The following PTCHD4 variants were observed in gnomAD, a reference collection of about 807,000 sequenced individuals.
PTCHD4 encodes patched domain containing 4.
In PTCHD4, 33 loss-of-function variants were observed where a neutral mutation model predicts 58.1. The ratio of observed to expected loss-of-function variants is 0.57; its 90% CI spans 0.43 to 0.76. PTCHD4 has a LOEUF of 0.76. PTCHD4 is among the 30% of genes least tolerant of loss of function. The pLI, the probability that PTCHD4 is intolerant of heterozygous loss-of-function variation, is 0.00. For synonymous variants in PTCHD4, 478 were observed against 409.6 expected, an observed-to-expected ratio of 1.17 and a Z score of -2.02; for missense variants, 1,058 against 1,027.1, an observed-to-expected ratio of 1.03 and a Z score of -0.41.
At chr6:48,100,458 G>T (rs568904697) in intron 1 of PTCHD4, among the ~76,000 whole-genome samples, 9 of 152,244 alleles carry the variant, frequency 5.9e-5, no homozygotes, top group Non-Finnish European at 1.3e-4. Context: ...CCAAGCAACA[G>T]TAACTGTTCT....
intron 4 of PTCHD4, among the ~76,000 whole-genome samples, chr6:47,935,542 A>ACCC (rs1298839467): frequency 6.6e-6 from 1 of 152,130 alleles, no homozygotes; most frequent in African/African-American, 2.4e-5. Context: ...GAGGCCTCAA[A>ACCC]CCCCAAGAAA....
At chr6:48,047,147 G>C (rs573444479) in intron 3 of PTCHD4, among the ~76,000 whole-genome samples, 2 of 151,668 alleles carry the variant, frequency 1.3e-5, no homozygotes, top group South Asian at 4.2e-4. Context: ...GATGTTATTT[G>C]GTAGAACTCT....
intron 3 of PTCHD4, among the ~76,000 whole-genome samples, chr6:48,040,206 A>G (rs991609565): frequency 6.6e-6 from 1 of 152,144 alleles, no homozygotes; most frequent in Non-Finnish European, 1.5e-5. Flanking sequence ...AGGTTGGTCT[A>G]TCAATCCAAG....
chr6:47,870,509 CA>C lies in PTCHD4; in HGVS notation c.*7793del, dbSNP rs1210361740. ...TTATAGTTAAGAAAAACCTGTTTTG[CA>C]AAATGTTTTTTCACTGATCAACATA... On this transcript the variant is annotated 3_prime_UTR_variant, in exon 5 of 5. Transcript: ENST00000339488. 6.6e-6 allele frequency among the ~76,000 whole-genome samples: 1 copy of C among 151,504 alleles called. No homozygotes were observed. Among genetic ancestry groups the C allele is most frequent in the Non-Finnish European group, 1.5e-5 (1 of 67,698 alleles).
In PTCHD4 at chr6:48,038,428, G is replaced by T. The variant is rs1317445364; in HGVS notation, c.418-29314C>A. ...AGGCCGAGGCGGGCAGATCACTTGA[G>T]GTCAGAAGTTTGAAACCAGACTGGC... is the stretch of plus-strand genomic sequence containing the variant. On this transcript the variant is annotated intron_variant, in intron 3 of 4. Coordinates refer to ENST00000339488, the MANE Select transcript of PTCHD4 (RefSeq NM_001384253.1). Among the ~76,000 whole-genome samples the T allele has an allele frequency of 2.0e-5, 3 of 151,850 alleles. No individual in the cohort carries two copies. In the East Asian group the frequency reaches 5.8e-4, roughly 29 times the overall value.
intron 1 of PTCHD4, among the ~76,000 whole-genome samples, chr6:48,109,239 TAA>T (rs1467983259): frequency 6.6e-6 from 1 of 152,110 alleles, no homozygotes; most frequent in Non-Finnish European, 1.5e-5. Context: ...AGAATAAAGA[TAA>T]AAGTTTCCTT....
At chr6:48,103,715 T>C (rs942729304) in intron 1 of PTCHD4, among the ~76,000 whole-genome samples, 2 of 151,872 alleles carry the variant, frequency 1.3e-5, no homozygotes, top group Admixed American at 6.6e-5. Context: ...AAAAATTAGA[T>C]GAATGGCTAA....
intron 1 of PTCHD4, among the ~76,000 whole-genome samples, chr6:48,076,780 C>T (rs948584509): frequency 1.6e-4 from 24 of 152,082 alleles, no homozygotes; most frequent in South Asian, 2.1e-4. Flanking sequence ...GCCTTGTGCT[C>T]GGAATGAATT....
chr6:47,957,883 C>T (rs145860588), intron 4 of PTCHD4, among the ~76,000 whole-genome samples: 1,618 of 152,126 alleles, frequency 0.011, 9 homozygotes, highest in Non-Finnish European at 0.016. Flanking sequence ...GGATTACAGG[C>T]GTGAGCCACC....
intron 1 of PTCHD4, among the ~76,000 whole-genome samples, chr6:48,099,538 G>A (rs1247523857): frequency 6.6e-6 from 1 of 152,148 alleles, no homozygotes; most frequent in East Asian, 1.9e-4. Context: ...TAAATCCTAG[G>A]AATATTCTCT....
intron 3 of PTCHD4, among the ~76,000 whole-genome samples, chr6:48,030,592 G>A (rs1370573995): frequency 6.6e-6 from 1 of 152,108 alleles, no homozygotes; most frequent in Non-Finnish European, 1.5e-5. Context: ...TTTCATGTCT[G>A]CTGCTGTGTA....
At chr6:48,086,424 G>C (rs1449602633) in intron 1 of PTCHD4, among the ~76,000 whole-genome samples, 2 of 151,138 alleles carry the variant, frequency 1.3e-5, no homozygotes, top group Non-Finnish European at 2.9e-5. Flanking sequence ...TCCTGCACTA[G>C]AAGAATATTC....
intron 4 of PTCHD4, among the ~76,000 whole-genome samples, chr6:47,934,604 T>C (rs1765938050): frequency 6.6e-6 from 1 of 152,192 alleles, no homozygotes; most frequent in East Asian, 1.9e-4. Flanking sequence ...TTGGTTCACT[T>C]TTCAAAATTC....
intron 4 of PTCHD4, among the ~76,000 whole-genome samples, chr6:47,959,672 C>T (rs1366021784): frequency 1.3e-5 from 2 of 151,692 alleles, no homozygotes; most frequent in Non-Finnish European, 2.9e-5. Context: ...GGCAATAGGA[C>T]ATATTATATA....
chr6:47,937,050 C>T (rs572927257), intron 4 of PTCHD4, among the ~76,000 whole-genome samples: 23 of 152,270 alleles, frequency 1.5e-4, no homozygotes, highest in African/African-American at 5.3e-4. Context: ...GAGTAAGCAA[C>T]AGAAGGAATC....
chr6:48,068,715 C>A lies in PTCHD4; in HGVS notation c.6-74G>T. On this transcript the variant is annotated intron_variant, in intron 2 of 4. Coordinates refer to ENST00000339488, the MANE Select transcript of PTCHD4 (RefSeq NM_001384253.1). The surrounding 1 kb of genome is among the most constrained non-coding windows in gnomAD (Gnocchi z 4.2). ...CCCCATCCCACCCCCTGGGGCCAGT[C>A]CCCCCTCCCCACCGCCGCCGCCTCC... 7.2e-7 allele frequency: 1 copy of A among 1,383,020 alleles called. No homozygotes were observed. Among genetic ancestry groups the A allele is most frequent in the Non-Finnish European group, 9.5e-7 (1 of 1,051,508 alleles). 85.7% of individuals were successfully genotyped at this position (1,383,020 alleles called of 1,614,324 possible). A position where few individuals can be genotyped will look rare whatever the true frequency, so the allele number is the denominator to read the frequency against.
intron 3 of PTCHD4, among the ~76,000 whole-genome samples, chr6:48,045,335 A>G (rs1156318714): frequency 2.0e-5 from 3 of 151,838 alleles, no homozygotes; most frequent in Non-Finnish European, 2.9e-5. Context: ...AGAGGTGAGA[A>G]ATAGAGTAAT....
chr6:48,010,556 C>T (rs1184097710), intron 3 of PTCHD4, among the ~76,000 whole-genome samples: 5 of 151,788 alleles, frequency 3.3e-5, no homozygotes, highest in Non-Finnish European at 7.4e-5. Flanking sequence ...AGTAAAAATG[C>T]TGTTAGTAGG....
intron 4 of PTCHD4, among the ~76,000 whole-genome samples, chr6:47,989,375 A>G (rs1438973961): frequency 1.3e-5 from 2 of 152,218 alleles, no homozygotes; most frequent in African/African-American, 2.4e-5. Context: ...AGAAATTTGC[A>G]TAAGTTAATC....
Sources: gnomAD v4.1 joint callset for allele counts (sites outside exome capture counted in the v4.1 genomes callset) on GRCh38, gnomAD v4.1.1 for gene constraint, Gnocchi (gnomAD v3.1) non-coding constraint, MANE v1.5 for transcripts, NCBI Gene and HGNC (gene_info 2026-07-23, HGNC 2026-07-21) for gene names.